POFUT3: variants seen among roughly 807,000 people sequenced by gnomAD.
POFUT3 encodes the protein protein O-fucosyltransferase 3, also known as GDP-fucose protein O-fucosyltransferase 3.
the POFUT3 span, among the ~76,000 whole-genome samples, chr8:33,471,218 GGTTT>G: frequency 6.6e-6 from 1 of 151,542 alleles, no homozygotes; most frequent in South Asian, 2.1e-4. Context: ...TTCCGAGGTT[GGTTT>G]TTTTGTTTTT....
the POFUT3 span, among the ~76,000 whole-genome samples, chr8:33,399,662 G>GT: frequency 3.7e-3 from 551 of 149,370 alleles, 3 homozygotes; most frequent in African/African-American, 6.5e-3. Context: ...TTATTTATTT[G>GT]TTTTTTTTTT....
chr8:33,373,021 G>C, the POFUT3 span, among the ~76,000 whole-genome samples: 3 of 152,050 alleles, frequency 2.0e-5, no homozygotes, highest in Non-Finnish European at 2.9e-5. Context: ...CCACAAAAAA[G>C]TTACATAAAT....
chr8:33,463,402 G>A, the POFUT3 span, among the ~76,000 whole-genome samples: 2 of 152,010 alleles, frequency 1.3e-5, no homozygotes, highest in Admixed American at 1.3e-4. Context: ...CTACTCGGGA[G>A]GCTGAGGCCA....
At chr8:33,329,903 G>A in the POFUT3 span, among the ~76,000 whole-genome samples, 1 of 152,090 alleles carries the variant, frequency 6.6e-6, no homozygotes, top group Non-Finnish European at 1.5e-5. Context: ...TACTTTGTAA[G>A]TCTCCTCAAC....
At chr8:33,323,885 T>C in the POFUT3 span, among the ~76,000 whole-genome samples, 3 of 152,210 alleles carry the variant, frequency 2.0e-5, no homozygotes, top group Non-Finnish European at 4.4e-5. Context: ...TTTCATGCTT[T>C]AGTTTTTCTC....
At chr8:33,312,822 C>T in the POFUT3 span, among the ~76,000 whole-genome samples, 4 of 152,262 alleles carry the variant, frequency 2.6e-5, no homozygotes, top group East Asian at 5.8e-4. Context: ...CTAGAAACAG[C>T]CATCTAAGTC....
chr8:33,344,940 G>C, the POFUT3 span, among the ~76,000 whole-genome samples: 1 of 152,114 alleles, frequency 6.6e-6, no homozygotes, highest in Non-Finnish European at 1.5e-5. Flanking sequence ...TTTTATAACT[G>C]TGACACCCTA....
the POFUT3 span, among the ~76,000 whole-genome samples, chr8:33,457,007 G>A: frequency 6.6e-6 from 1 of 152,040 alleles, no homozygotes; most frequent in East Asian, 1.9e-4. Flanking sequence ...TTGACCTCAT[G>A]ATCCACCCAC....
At chr8:33,403,383 C>T in the POFUT3 span, among the ~76,000 whole-genome samples, 1 of 151,986 alleles carries the variant, frequency 6.6e-6, no homozygotes, top group Non-Finnish European at 1.5e-5. Context: ...TCTCTCATTA[C>T]TGATTAGTAG....
At chr8:33,319,751 T>C in the POFUT3 span, among the ~76,000 whole-genome samples, 10 of 39,668 alleles carry the variant, frequency 2.5e-4, 2 homozygotes, top group Middle Eastern at 0.016. Context: ...TATATTTATA[T>C]ATATATAATA....
At chr8:33,406,410 T>G in the POFUT3 span, among the ~76,000 whole-genome samples, 3 of 152,096 alleles carry the variant, frequency 2.0e-5, no homozygotes, top group African/African-American at 4.8e-5. Flanking sequence ...CTGATTTTCA[T>G]TTACCATGAA....
chr8:33,342,329 C>T, the POFUT3 span, among the ~76,000 whole-genome samples: 1 of 151,978 alleles, frequency 6.6e-6, no homozygotes, highest in Admixed American at 6.6e-5. Flanking sequence ...TGCACTCCAG[C>T]CTATCTGACA....
chr8:33,352,304 C>G, the POFUT3 span, among the ~76,000 whole-genome samples: 1 of 152,166 alleles, frequency 6.6e-6, no homozygotes. Context: ...AAAATGTGCA[C>G]CACTCAGCCG....
chr8:33,404,329 C>A, the POFUT3 span, among the ~76,000 whole-genome samples: 1 of 142,976 alleles, frequency 7.0e-6, no homozygotes, highest in Admixed American at 7.0e-5. Context: ...CAGAGTAAGG[C>A]TCTGTCTCAA....
chr8:33,352,703 A>G, the POFUT3 span, among the ~76,000 whole-genome samples: 2 of 152,230 alleles, frequency 1.3e-5, no homozygotes, highest in Non-Finnish European at 2.9e-5. Context: ...CGAATGGACA[A>G]TGAAAGCCCC....
the POFUT3 span, among the ~76,000 whole-genome samples, chr8:33,321,514 G>T: frequency 6.6e-6 from 1 of 152,100 alleles, no homozygotes; most frequent in East Asian, 1.9e-4. Context: ...CAGCAGGGTG[G>T]TCTCAGGATA....
the POFUT3 span, among the ~76,000 whole-genome samples, chr8:33,442,307 G>A: frequency 7.3e-5 from 9 of 124,028 alleles, no homozygotes; most frequent in African/African-American, 2.8e-4. Context: ...TTTTGGGGGG[G>A]GACAGAGTCT....
chr8:33,330,669 GA>G, the POFUT3 span, among the ~76,000 whole-genome samples: 3 of 152,062 alleles, frequency 2.0e-5, no homozygotes, highest in Non-Finnish European at 4.4e-5. Context: ...GTATTATTGG[GA>G]ACCACTTTGC....
the POFUT3 span, among the ~76,000 whole-genome samples, chr8:33,449,538 C>A: frequency 1.3e-5 from 2 of 152,004 alleles, no homozygotes; most frequent in East Asian, 3.9e-4. Flanking sequence ...GATCTGCCCA[C>A]CCCAGCCTTG....
Sources: allele counts gnomAD v4.1 joint callset (sites outside exome capture counted in the v4.1 genomes callset), GRCh38; gene constraint gnomAD v4.1.1; transcripts MANE v1.5; gene names NCBI Gene and HGNC (gene_info 2026-07-23, HGNC 2026-07-21).